The following DACH1 variants were observed in gnomAD, a reference collection of about 807,000 sequenced individuals.
The protein encoded by DACH1 is dachshund homolog 1.
A neutral mutation model predicts 54.2 loss-of-function variants in DACH1; 12 were observed. The ratio of observed to expected loss-of-function variants is 0.22; its 90% confidence interval spans 0.14 to 0.36. The LOEUF (loss-of-function observed/expected upper bound fraction) is 0.36. DACH1 is among the 10% of genes least tolerant of loss of function. DACH1 has a pLI of 1.00. For missense variants in DACH1, 805 were observed against 929.8 expected (o/e 0.87, Z 1.75); for synonymous variants, 386 against 366.2 (o/e 1.05, Z -0.62).
intron 1 of DACH1, among the ~76,000 whole-genome samples, chr13:71,779,159 GTATATACGTATATATATACACA>G (rs1287607190): frequency 2.8e-5 from 2 of 72,010 alleles, no homozygotes; most frequent in Non-Finnish European, 6.4e-5. Context: ...ACATATATAC[GTATATACGTATATATATACACA>G]TATATACGTA....
At chr13:71,458,107 C>T (rs1242114115) in intron 10 of DACH1, among the ~76,000 whole-genome samples, 1 of 151,818 alleles carries the variant, frequency 6.6e-6, no homozygotes, top group African/African-American at 2.4e-5. Flanking sequence ...GAATGAATTA[C>T]ATTTTTTATT....
intron 1 of DACH1, among the ~76,000 whole-genome samples, chr13:71,837,304 G>C (rs1458996859): frequency 3.9e-5 from 6 of 152,084 alleles, no homozygotes; most frequent in African/African-American, 1.4e-4. Context: ...TGAAATGACT[G>C]TTGGATTCAC....
chr13:71,503,354 G>T (rs1258621231), intron 6 of DACH1, among the ~76,000 whole-genome samples: 1 of 152,046 alleles, frequency 6.6e-6, no homozygotes, highest in African/African-American at 2.4e-5. Context: ...TTGAATATCT[G>T]ATATAATTTA....
At chr13:71,657,657 C>CAT (rs1220950153) in intron 2 of DACH1, among the ~76,000 whole-genome samples, 103 of 151,812 alleles carry the variant, frequency 6.8e-4, no homozygotes, top group African/African-American at 2.4e-3. Context: ...TGGAGACCCA[C>CAT]ATATACATAC....
chr13:71,763,847 T>C (rs1434327521), intron 1 of DACH1, among the ~76,000 whole-genome samples: 1 of 152,246 alleles, frequency 6.6e-6, no homozygotes, highest in Non-Finnish European at 1.5e-5. Flanking sequence ...GCAGATTTAA[T>C]GCAACTGTTG....
chr13:71,856,020 TAA>T (rs1286547595), intron 1 of DACH1, among the ~76,000 whole-genome samples: 3 of 151,948 alleles, frequency 2.0e-5, no homozygotes, highest in African/African-American at 7.2e-5. Context: ...TGAGAAAACT[TAA>T]ATAGCTGCAA....
At chr13:71,720,911 C>T (rs532564187) in intron 1 of DACH1, among the ~76,000 whole-genome samples, 7 of 152,210 alleles carry the variant, frequency 4.6e-5, no homozygotes, top group African/African-American at 1.7e-4. Context: ...GATAAATGTC[C>T]CTGTCATCAC....
rs574320814 is a variant in DACH1, at chr13:71,860,215, C to T, written c.848+5707G>A. On this transcript the variant is annotated intron_variant, in intron 1 of 10. Coordinates refer to ENST00000613252, the MANE Select transcript of DACH1 (RefSeq NM_080759.6). ...ATATAATATGTAGTATTTAGACATA[C>T]GTATGTACACACACACACACACACA... 6.7e-5 allele frequency among the ~76,000 whole-genome samples: 10 copies of T among 149,492 alleles called. No individual in the cohort carries two copies. In the East Asian group the frequency reaches 1.4e-3, roughly 20 times the overall value.
At chr13:71,664,838 T>A (rs1467431796) in intron 2 of DACH1, among the ~76,000 whole-genome samples, 1 of 152,070 alleles carries the variant, frequency 6.6e-6, no homozygotes, top group East Asian at 1.9e-4. Flanking sequence ...TTGCTAATTA[T>A]ATCAAACAGT....
At chr13:71,445,656 C>A (rs1359684148) in intron 10 of DACH1, among the ~76,000 whole-genome samples, 1 of 152,104 alleles carries the variant, frequency 6.6e-6, no homozygotes, top group African/African-American at 2.4e-5. Context: ...TTTACAGACC[C>A]TTATTTTAAA....
intron 1 of DACH1, among the ~76,000 whole-genome samples, chr13:71,699,237 CTA>C (rs1881988911): frequency 1.3e-5 from 2 of 151,976 alleles, no homozygotes; most frequent in African/African-American, 4.8e-5. Context: ...CCAGAAAATA[CTA>C]TGTCAAAAAC....
intron 1 of DACH1, among the ~76,000 whole-genome samples, chr13:71,840,685 G>A (rs1041884999): frequency 1.3e-5 from 2 of 152,042 alleles, no homozygotes; most frequent in Non-Finnish European, 2.9e-5. Context: ...AAAGAATAAC[G>A]AAAATTGCAA....
chr13:71,599,728 C>A (rs1874356859), intron 3 of DACH1, among the ~76,000 whole-genome samples: 2 of 152,026 alleles, frequency 1.3e-5, no homozygotes, highest in Non-Finnish European at 2.9e-5. Context: ...ATAACCCTCT[C>A]ATTGATTTCA....
At chr13:71,776,127 C>T (rs1184255988) in intron 1 of DACH1, among the ~76,000 whole-genome samples, 5 of 152,140 alleles carry the variant, frequency 3.3e-5, no homozygotes, top group African/African-American at 1.2e-4. Flanking sequence ...TTTGACCAAA[C>T]ATTTCCTTCC....
chr13:71,656,518 T>A (rs1055337894), intron 2 of DACH1, among the ~76,000 whole-genome samples: 2 of 152,066 alleles, frequency 1.3e-5, no homozygotes, highest in African/African-American at 4.8e-5. Flanking sequence ...GTTTGATTTA[T>A]CTTACCCAAA....
intron 3 of DACH1, among the ~76,000 whole-genome samples, chr13:71,616,518 G>A (rs2138530057): frequency 6.6e-6 from 1 of 152,194 alleles, no homozygotes; most frequent in East Asian, 1.9e-4. Flanking sequence ...AGTCCAAGAG[G>A]GGAGGATCGT....
At chr13:71,538,247 A>G (rs987416700) in intron 6 of DACH1, among the ~76,000 whole-genome samples, 1 of 152,118 alleles carries the variant, frequency 6.6e-6, no homozygotes, top group Non-Finnish European at 1.5e-5. Context: ...TGAAATGTTC[A>G]GTGCCATCTT....
At chr13:71,587,603 A>AT (rs533292417) in intron 3 of DACH1, among the ~76,000 whole-genome samples, 1,661 of 152,036 alleles carry the variant, frequency 0.011, 26 homozygotes, top group African/African-American at 0.036. Context: ...ATTTTCTGTG[A>AT]TTTTTTATGA....
intron 1 of DACH1, among the ~76,000 whole-genome samples, chr13:71,703,268 CT>C (rs145498683): frequency 0.015 from 2,224 of 152,176 alleles, 46 homozygotes; most frequent in East Asian, 0.046. Flanking sequence ...GGTTTTCCTC[CT>C]TTTTTAATTT....
Sources: gnomAD v4.1 joint callset for allele counts (sites outside exome capture counted in the v4.1 genomes callset) on GRCh38, gnomAD v4.1.1 for gene constraint, MANE v1.5 for transcripts, NCBI Gene and HGNC (gene_info 2026-07-23, HGNC 2026-07-21) for gene names.